The following ADAMTSL1 variants were observed in gnomAD, a reference collection of about 807,000 sequenced individuals.
The protein encoded by ADAMTSL1 is ADAMTS like 1, also known as ADAMTS-like protein 1.
In ADAMTSL1, 126 loss-of-function variants were observed where a neutral mutation model predicts 201.8. The observed-to-expected ratio is 0.62, with a 90% CI of 0.54 to 0.72. The LOEUF (loss-of-function observed/expected upper bound fraction) is 0.72. Among genes scored for constraint, ADAMTSL1 ranks in the 30% least tolerant of loss-of-function variants. The probability of loss-of-function intolerance (pLI) is 0.00; values close to 1 mark genes in which losing one functional copy is unlikely to be tolerated. For missense variants in ADAMTSL1, 2,679 were observed against 2,277.8 expected, an observed-to-expected ratio of 1.18 and a Z score of -3.59; for synonymous variants, 1,121 against 903.4, an observed-to-expected ratio of 1.24 and a Z score of -4.32.
At chr9:18,520,058 T>C (rs1818598956) in intron 2 of ADAMTSL1, among the ~76,000 whole-genome samples, 1 of 152,246 alleles carries the variant, frequency 6.6e-6, no homozygotes, top group African/African-American at 2.4e-5. Flanking sequence ...TTTCTAGTTA[T>C]AGTTTAGACA....
intron 15 of ADAMTSL1, among the ~76,000 whole-genome samples, chr9:18,746,618 T>C (rs1251454754): frequency 6.6e-6 from 1 of 152,120 alleles, no homozygotes; most frequent in Non-Finnish European, 1.5e-5. Flanking sequence ...TAGGGCATAA[T>C]AGCTCAGGGT....
chr9:18,490,697 G>A (rs1382866172), intron 1 of ADAMTSL1, among the ~76,000 whole-genome samples: 3 of 152,114 alleles, frequency 2.0e-5, no homozygotes, highest in African/African-American at 7.2e-5. Context: ...GTAAGAAAAG[G>A]CAGGGGACAA....
At chr9:18,252,391 G>T (rs897939747) in intron 2 of ADAMTSL1, among the ~76,000 whole-genome samples, 1 of 152,064 alleles carries the variant, frequency 6.6e-6, no homozygotes, top group East Asian at 1.9e-4. Flanking sequence ...TCCATTGGGG[G>T]TTGGTTCCAG....
intron 1 of ADAMTSL1, among the ~76,000 whole-genome samples, chr9:18,108,196 ATTTT>A (rs5896770): frequency 5.6e-5 from 7 of 125,540 alleles, no homozygotes; most frequent in South Asian, 2.7e-4. Context: ...AGAGTGTGGA[ATTTT>A]TTTTTTTTTT....
At chr9:17,923,197 TG>T (rs1826377761) in intron 1 of ADAMTSL1, among the ~76,000 whole-genome samples, 1 of 151,514 alleles carries the variant, frequency 6.6e-6, no homozygotes, top group Non-Finnish European at 1.5e-5. Context: ...GGTAGCTTGA[TG>T]GGGATGGCAT....
chr9:18,464,692 C>T (rs537888510), intron 2 of ADAMTSL1, among the ~76,000 whole-genome samples: 1 of 152,276 alleles, frequency 6.6e-6, no homozygotes, highest in South Asian at 2.1e-4. Flanking sequence ...GGTTCATAGC[C>T]AATTTCCTTT....
intron 1 of ADAMTSL1, among the ~76,000 whole-genome samples, chr9:17,942,551 T>C (rs1827283120): frequency 6.6e-6 from 1 of 152,166 alleles, no homozygotes; most frequent in Non-Finnish European, 1.5e-5. Context: ...GATTGGATGA[T>C]GCTCACCTAG....
At chr9:18,170,463 C>G (rs149161715) in intron 2 of ADAMTSL1, among the ~76,000 whole-genome samples, 227 of 152,020 alleles carry the variant, frequency 1.5e-3, no homozygotes, top group African/African-American at 5.2e-3. Context: ...GTACCACTTA[C>G]AGTAGTAACA....
At chr9:18,801,724 T>G (rs1465111171) in intron 20 of ADAMTSL1, among the ~76,000 whole-genome samples, 1 of 152,232 alleles carries the variant, frequency 6.6e-6, no homozygotes, top group African/African-American at 2.4e-5. Flanking sequence ...CTGCATAGTA[T>G]TCCATGATGT....
At chr9:18,713,128 C>T (rs1489482225) in intron 14 of ADAMTSL1, among the ~76,000 whole-genome samples, 2 of 151,106 alleles carry the variant, frequency 1.3e-5, no homozygotes, top group South Asian at 4.2e-4. Context: ...ACAACCGGTA[C>T]CAGCCGCTGC....
chr9:18,588,876 T>TACATATACATATATATATATATATATAC lies in ADAMTSL1; in HGVS notation c.474+14612_474+14639dup, dbSNP rs1564072078. ...TTACTATAGCTTTGTGCCATATATA[T>TACATATACATATATATATATATATATAC]ACATATACATATATATATATATATA... On this transcript the variant is annotated intron_variant, in intron 4 of 28. Transcript: ENST00000380548. Among the ~76,000 whole-genome samples, 18 of 118,310 alleles carry TACATATACATATATATATATATATATAC rather than the reference T, an allele frequency of 1.5e-4. 1 individual carries two copies. Among genetic ancestry groups the TACATATACATATATATATATATATATAC allele is most frequent in the Non-Finnish European group, 3.0e-4 (17 of 56,972 alleles). The allele number at this position is 118,310 out of a possible 152,430, so 77.6% of individuals were successfully genotyped here.
intron 1 of ADAMTSL1, among the ~76,000 whole-genome samples, chr9:17,971,576 G>C (rs1380197069): frequency 1.3e-5 from 2 of 151,962 alleles, no homozygotes; most frequent in African/African-American, 4.8e-5. Context: ...TATTGGAAAA[G>C]TAAACATTTA....
At chr9:18,410,476 T>C (rs1411243308) in intron 2 of ADAMTSL1, among the ~76,000 whole-genome samples, 1 of 152,170 alleles carries the variant, frequency 6.6e-6, no homozygotes, top group Non-Finnish European at 1.5e-5. Context: ...ACATGTGGTG[T>C]TTGGTTTTCC....
intron 7 of ADAMTSL1, among the ~76,000 whole-genome samples, chr9:18,646,775 G>T (rs1372918196): frequency 5.9e-5 from 9 of 152,120 alleles, no homozygotes; most frequent in Admixed American, 1.3e-4. Context: ...TTGATGTGCT[G>T]CTGGATTCGG....
At chr9:18,747,736 G>A (rs900831237) in intron 15 of ADAMTSL1, among the ~76,000 whole-genome samples, 5 of 152,142 alleles carry the variant, frequency 3.3e-5, no homozygotes, top group Admixed American at 6.6e-5. Context: ...TTGTGGTCAC[G>A]TCACAGTTTT....
chr9:18,109,681 C>G (rs753213300), intron 1 of ADAMTSL1, among the ~76,000 whole-genome samples: 1 of 152,184 alleles, frequency 6.6e-6, no homozygotes, highest in Non-Finnish European at 1.5e-5. Flanking sequence ...TATCAGACAG[C>G]CTTTTAGACC....
At chr9:18,783,881 C>A (rs902779514) in intron 19 of ADAMTSL1, among the ~76,000 whole-genome samples, 1 of 152,246 alleles carries the variant, frequency 6.6e-6, no homozygotes, top group African/African-American at 2.4e-5. Context: ...GCCTCCTGCT[C>A]TAGACCATTC....
chr9:18,371,140 A>T (rs1837026134), intron 2 of ADAMTSL1, among the ~76,000 whole-genome samples: 1 of 152,112 alleles, frequency 6.6e-6, no homozygotes, highest in Non-Finnish European at 1.5e-5. Context: ...ATAAGTCCTT[A>T]GTTTTTGTAA....
intron 1 of ADAMTSL1, among the ~76,000 whole-genome samples, chr9:18,018,774 A>T (rs1820362188): frequency 6.6e-6 from 1 of 152,078 alleles, no homozygotes; most frequent in Non-Finnish European, 1.5e-5. Context: ...TTGCACCCAG[A>T]TTCTTGGCTC....
Sources: allele counts gnomAD v4.1 joint callset (sites outside exome capture counted in the v4.1 genomes callset), GRCh38; gene constraint gnomAD v4.1.1; transcripts MANE v1.5; gene names NCBI Gene and HGNC (gene_info 2026-07-23, HGNC 2026-07-21).